SENP7: variants seen among roughly 807,000 people sequenced by gnomAD.
The protein encoded by SENP7 is SUMO specific peptidase 7.
In SENP7, 64 loss-of-function variants were observed where a neutral mutation model predicts 141.2. The ratio of observed to expected loss-of-function variants is 0.45; its 90% CI spans 0.37 to 0.56. The LOEUF (loss-of-function observed/expected upper bound fraction) is 0.56, where lower values mean the gene tolerates loss of function less well. SENP7 is among the 20% of genes least tolerant of loss of function. The pLI, the probability that SENP7 is intolerant of heterozygous loss-of-function variation, is 0.00. For synonymous variants in SENP7, 382 were observed against 426.4 expected (o/e 0.90, Z 1.28); for missense variants, 1,025 against 1,212.2 (o/e 0.85, Z 2.29).
chr3:101,431,858 G>A (rs1033395816), intron 4 of SENP7, among the ~76,000 whole-genome samples: 110 of 133,830 alleles, frequency 8.2e-4, no homozygotes, highest in African/African-American at 2.8e-3. Flanking sequence ...CTTGACAACT[G>A]GCCAAATACT....
chr3:101,381,142 A>G (rs1444112502), intron 6 of SENP7, among the ~76,000 whole-genome samples: 1 of 152,218 alleles, frequency 6.6e-6, no homozygotes, highest in East Asian at 1.9e-4. Context: ...AGTGGGGAAC[A>G]CAGAAGGCTT....
chr3:101,328,624 T>C, intron 21 of SENP7, 22 bp downstream of exon 21: 1 of 1,605,684 alleles, frequency 6.2e-7, no homozygotes, highest in South Asian at 1.1e-5. Flanking sequence ...AAAACTGTAT[T>C]ATTATTACAG....
At chr3:101,479,209 G>A (rs954760853) in intron 3 of SENP7, among the ~76,000 whole-genome samples, 2 of 152,070 alleles carry the variant, frequency 1.3e-5, no homozygotes, top group African/African-American at 2.4e-5. Context: ...GGAGCAATCA[G>A]GCAAGAGAAA....
At chr3:101,336,377 ACT>A (rs1428313215) in intron 17 of SENP7, among the ~76,000 whole-genome samples, 1 of 152,128 alleles carries the variant, frequency 6.6e-6, no homozygotes, top group Non-Finnish European at 1.5e-5. Flanking sequence ...GATGAAACAA[ACT>A]CTCATAGCCA....
chr3:101,480,820 T>C (rs2064439505), intron 3 of SENP7, among the ~76,000 whole-genome samples: 2 of 152,048 alleles, frequency 1.3e-5, no homozygotes, highest in African/African-American at 4.8e-5. Flanking sequence ...GCAAAGGGCA[T>C]GAATAGACAT....
chr3:101,448,872 C>CAG (rs908419798), intron 4 of SENP7, among the ~76,000 whole-genome samples: 1 of 152,130 alleles, frequency 6.6e-6, no homozygotes, highest in African/African-American at 2.4e-5. Flanking sequence ...CAAAGCTGGA[C>CAG]AGAGAATGAC....
chr3:101,454,342 A>G (rs1170036573), intron 4 of SENP7, among the ~76,000 whole-genome samples: 1 of 151,874 alleles, frequency 6.6e-6, no homozygotes, highest in Admixed American at 6.6e-5. Context: ...CAAAACCTCA[A>G]ATATACAAAA....
At chr3:101,365,413 A>C (rs977194984) in intron 9 of SENP7, among the ~76,000 whole-genome samples, 1 of 151,066 alleles carries the variant, frequency 6.6e-6, no homozygotes, top group Admixed American at 6.6e-5. Flanking sequence ...AGGTGGGTAG[A>C]TTCCCTGAGG....
chr3:101,331,007 C>A (rs1049986665), intron 19 of SENP7, among the ~76,000 whole-genome samples: 3 of 151,974 alleles, frequency 2.0e-5, no homozygotes, highest in Non-Finnish European at 4.4e-5. Flanking sequence ...TATTACCTAG[C>A]CAAATTAATG....
chr3:101,366,603 G>C lies in SENP7; in HGVS notation c.1145C>G (p.Thr382Ser), dbSNP rs1257161680. 2 of 1,613,912 alleles carry C rather than the reference G, an allele frequency of 1.2e-6. No homozygotes were observed. The highest frequency in any genetic ancestry group is 1.7e-6 in the Non-Finnish European group (2 of 1,179,880). Reference protein sequence around the residue: ...NSQELTLSNATKSASAGSTTE... With the variant: ...NSQELTLSNASKSASAGSTTE... ...GGTTGAACCGGCAGAGGCACTTTTG[G>C]TGGCATTACTCAAAGTCAACTCCTG... Residue 382 changes from threonine to serine, a missense_variant, in exon 9 of 24, where the codon ACC becomes AGC. Transcript: ENST00000394095.
chr3:101,352,775 A>C (rs2059645929), intron 11 of SENP7, among the ~76,000 whole-genome samples: 1 of 152,040 alleles, frequency 6.6e-6, no homozygotes, highest in Non-Finnish European at 1.5e-5. Context: ...GCTCCATTTA[A>C]GTATCAAACA....
At chr3:101,507,252 A>T (rs1269976871) in intron 1 of SENP7, among the ~76,000 whole-genome samples, 1 of 152,204 alleles carries the variant, frequency 6.6e-6, no homozygotes, top group Admixed American at 6.5e-5. Context: ...GGAAGGCATT[A>T]TAACAGAATT....
intron 2 of SENP7, among the ~76,000 whole-genome samples, chr3:101,495,546 T>C (rs773185895): frequency 6.6e-5 from 10 of 152,132 alleles, no homozygotes; most frequent in Non-Finnish European, 1.3e-4. Context: ...ATAAAACATA[T>C]ATACATAGGA....
intron 4 of SENP7, among the ~76,000 whole-genome samples, chr3:101,431,878 G>A (rs1201437503): frequency 1.3e-5 from 2 of 152,092 alleles, no homozygotes; most frequent in Middle Eastern, 3.2e-3. Flanking sequence ...TAAAGAAGCA[G>A]TTTTTGAAAG....
intron 6 of SENP7, among the ~76,000 whole-genome samples, chr3:101,380,365 A>G (rs2060461426): frequency 6.6e-6 from 1 of 151,716 alleles, no homozygotes; most frequent in African/African-American, 2.4e-5. Flanking sequence ...TATCAAGTAT[A>G]TTATAATTTA....
chr3:101,358,016 T>C, intron 11 of SENP7: 1 of 584,470 alleles, frequency 1.7e-6, no homozygotes, highest in Non-Finnish European at 2.9e-6. Context: ...ACCATACAAG[T>C]GTGTTAAATG....
At position 101,401,377 on chromosome 3, in the gene SENP7, A is replaced by G. The variant is rs143175275; in HGVS notation, c.483-2322T>C. On this transcript the variant is annotated intron_variant, in intron 5 of 23. Transcript: ENST00000394095. ...AACCCCGTCTCTACTAAAAATACAG[A>G]AATTAGCCAGGTGTGGTGGCAGGCA... Among the ~76,000 whole-genome samples the G allele has an allele frequency of 9.6e-3, 1,450 of 151,516 alleles. 21 individuals carry two copies. The highest frequency in any genetic ancestry group is 0.033 in the African/African-American group (1,374 of 41,278).
At chr3:101,462,368 C>T (rs976151831) in intron 3 of SENP7, among the ~76,000 whole-genome samples, 1 of 151,808 alleles carries the variant, frequency 6.6e-6, no homozygotes, top group Non-Finnish European at 1.5e-5. Context: ...ATGGAGAAAC[C>T]CCGTCTCTAC....
chr3:101,362,381 T>C (rs6441599), intron 10 of SENP7, among the ~76,000 whole-genome samples: 152,342 of 152,344 alleles, frequency 1, 76,170 homozygotes, highest in Middle Eastern at 1. Flanking sequence ...AAGATTCAAA[T>C]GCACGTTTCT....
Sources: allele counts gnomAD v4.1 joint callset (sites outside exome capture counted in the v4.1 genomes callset), GRCh38; gene constraint gnomAD v4.1.1; transcripts MANE v1.5; gene names NCBI Gene and HGNC (gene_info 2026-07-23, HGNC 2026-07-21).